Variants in ERBB4 observed in about 807,000 individuals in gnomAD.
The protein encoded by ERBB4 is erb-b2 receptor tyrosine kinase 4.
ERBB4 carries 42 observed loss-of-function variants against 158.0 expected under a neutral mutation model. The ratio of observed to expected loss-of-function variants is 0.27; its 90% confidence interval spans 0.21 to 0.34. The LOEUF (loss-of-function observed/expected upper bound fraction) is 0.34. ERBB4 is among the 10% of genes least tolerant of loss of function. The pLI, the probability that ERBB4 is intolerant of heterozygous loss-of-function variation, is 1.00. For missense variants in ERBB4, 1,333 were observed against 1,624.1 expected (o/e 0.82, Z 3.08); for synonymous variants, 583 against 558.7 (o/e 1.04, Z -0.61).
rs557806211 is a variant in ERBB4 at position 211,988,911 on chromosome 2, GC to G, written c.235-41296del. On this transcript the variant is annotated intron_variant, in intron 2 of 27. Transcript: ENST00000342788. ...TACGATCATGCATAAAATTGTTCTG[GC>G]TTATTTGCAATCTATTTTTTTCTAA... Among the ~76,000 whole-genome samples the G allele has an allele frequency of 7.9e-4, 120 of 151,944 alleles. 1 individual carries two copies. The highest frequency in any genetic ancestry group is 2.6e-3 in the African/African-American group (109 of 41,482).
In ERBB4 at chr2:211,630,607, A is replaced by T; in HGVS notation, c.1947-13T>A. The T allele has an allele frequency of 6.2e-7, 1 of 1,601,506 alleles. No individual in the cohort carries two copies. Among genetic ancestry groups the T allele is most frequent in the South Asian group, 1.1e-5 (1 of 90,774 alleles). Reference sequence around the variant, plus strand: ...AATCAGGGGAGTTCTGACAACCAGAATGAGAAAAAAAAAAATAAAAAGTAT... The same window carrying T: ...AATCAGGGGAGTTCTGACAACCAGATTGAGAAAAAAAAAAATAAAAAGTAT... On this transcript the variant is annotated splice_polypyrimidine_tract_variant and intron_variant, in intron 16 of 27. Coordinates refer to ENST00000342788, the MANE Select transcript of ERBB4 (RefSeq NM_005235.3).
chr2:212,320,078 T>C lies in ERBB4; in HGVS notation c.83-195175A>G, dbSNP rs562148057. Among the ~76,000 whole-genome samples, 273 of 149,954 alleles carry C rather than the reference T, an allele frequency of 1.8e-3. 3 individuals are homozygous for C. Among genetic ancestry groups the C allele is most frequent in the African/African-American group, 6.1e-3 (252 of 41,274 alleles). On this transcript the variant is annotated intron_variant, in intron 1 of 27. Coordinates refer to ENST00000342788, the MANE Select transcript of ERBB4 (RefSeq NM_005235.3). The stretch of plus-strand genomic sequence containing the variant: ...CAACCAGTGGACAAATCTAAGCAAG[T>C]AAAAGTGATGGCATTGTACTGAGGT...
At chr2:212,510,263 A>T (rs906056440) in intron 1 of ERBB4, among the ~76,000 whole-genome samples, 7 of 148,064 alleles carry the variant, frequency 4.7e-5, no homozygotes, top group African/African-American at 1.8e-4. Context: ...TTCATACAAC[A>T]ACTTGAGTGA....
At chr2:212,141,951 A>G (rs948853652) in intron 1 of ERBB4, among the ~76,000 whole-genome samples, 1 of 152,142 alleles carries the variant, frequency 6.6e-6, no homozygotes. Context: ...TCAGAATAAA[A>G]TTAAAAGTCC....
At chr2:211,507,807 T>C (rs143531303) in intron 20 of ERBB4, among the ~76,000 whole-genome samples, 3,148 of 152,180 alleles carry the variant, frequency 0.021, 115 homozygotes, top group African/African-American at 0.07. Context: ...TGGAACAGAA[T>C]AGAGACCTCA....
At chr2:211,675,791 A>ATT (rs1553607851) in intron 13 of ERBB4, among the ~76,000 whole-genome samples, 52,060 of 100,218 alleles carry the variant, frequency 0.52, 11,656 homozygotes, top group Non-Finnish European at 0.6. Context: ...AAAATATAAT[A>ATT]TTATATATAT....
chr2:211,448,569 G>A (rs1388306643), intron 20 of ERBB4, among the ~76,000 whole-genome samples: 1 of 152,018 alleles, frequency 6.6e-6, no homozygotes, highest in Non-Finnish European at 1.5e-5. Flanking sequence ...CACATGGGGT[G>A]AAATATGAAT....
intron 1 of ERBB4, among the ~76,000 whole-genome samples, chr2:212,265,301 A>G (rs2085089798): frequency 6.6e-6 from 1 of 152,146 alleles, no homozygotes; most frequent in South Asian, 2.1e-4. Context: ...TGAAGCAATC[A>G]TTTTATGCTG....
rs367861825 is a variant in ERBB4, at chr2:212,090,568, A to C, written c.234+34184T>G. ...CCTGAAAACTGAGTCTCTGTCCTTG[A>C]AAGATTATAACTGATCACTCATTTA... On this transcript the variant is annotated intron_variant, in intron 2 of 27. Transcript: ENST00000342788. Among the ~76,000 whole-genome samples the C allele has an allele frequency of 9.0e-4, 137 of 152,258 alleles. 3 individuals are homozygous for C. The South Asian group carries it at 0.028, about 31-fold the overall frequency.
chr2:211,967,026 C>CATTT (rs2081327477), intron 2 of ERBB4, among the ~76,000 whole-genome samples: 2 of 152,116 alleles, frequency 1.3e-5, no homozygotes, highest in South Asian at 4.1e-4. Context: ...TATTAAATTG[C>CATTT]ATTAAATGGG....
At chr2:212,410,596 T>C (rs1255610714) in intron 1 of ERBB4, among the ~76,000 whole-genome samples, 1 of 152,088 alleles carries the variant, frequency 6.6e-6, no homozygotes, top group Non-Finnish European at 1.5e-5. Context: ...TATTCTCCTC[T>C]CATTTTCTCA....
chr2:211,415,273 C>T (rs1406326607), intron 25 of ERBB4, among the ~76,000 whole-genome samples: 4 of 151,928 alleles, frequency 2.6e-5, no homozygotes, highest in Admixed American at 6.5e-5. Flanking sequence ...CCCGCCACCA[C>T]GCCCGGCTAA....
intron 2 of ERBB4, among the ~76,000 whole-genome samples, chr2:211,983,165 G>T (rs1384187050): frequency 6.6e-6 from 1 of 152,188 alleles, no homozygotes; most frequent in Non-Finnish European, 1.5e-5. Flanking sequence ...AAGAATTTAT[G>T]TGAGAAGACA....
chr2:212,194,889 T>C (rs1157429519), intron 1 of ERBB4, among the ~76,000 whole-genome samples: 1 of 151,986 alleles, frequency 6.6e-6, no homozygotes, highest in East Asian at 1.9e-4. Flanking sequence ...TCAGAAAGGC[T>C]CTAAATTCTT....
Position 211,381,944 on chromosome 2 carries a change from C to A in ERBB4, c.*1671G>T. 1 of 229,626 alleles carries A rather than the reference C, an allele frequency of 4.4e-6. No individual in the cohort carries two copies. Among genetic ancestry groups the A allele is most frequent in the Admixed American group, 5.7e-5 (1 of 17,656 alleles). 14.2% of individuals were successfully genotyped at this position (229,626 alleles called of 1,614,324 possible). A position where few individuals can be genotyped will look rare whatever the true frequency, so the allele number is the denominator to read the frequency against. ...CCTTTACTTGGAGACTCATCTCTGT[C>A]ATTTGTTCTCATCCTTCATCTCATC... On this transcript the variant is annotated 3_prime_UTR_variant, in exon 28 of 28. Transcript: ENST00000342788.
intron 13 of ERBB4, among the ~76,000 whole-genome samples, chr2:211,676,345 C>T (rs1451963710): frequency 1.3e-5 from 2 of 152,116 alleles, no homozygotes; most frequent in East Asian, 1.9e-4. Context: ...GTTAATTTAA[C>T]AGATTTGATT....
At chr2:212,412,147 A>G (rs1278160999) in intron 1 of ERBB4, among the ~76,000 whole-genome samples, 1 of 152,198 alleles carries the variant, frequency 6.6e-6, no homozygotes, top group East Asian at 1.9e-4. Flanking sequence ...GAGAATAGAA[A>G]TCAAAGCTTA....
chr2:212,410,295 A>T (rs2091460104), intron 1 of ERBB4, among the ~76,000 whole-genome samples: 1 of 152,026 alleles, frequency 6.6e-6, no homozygotes, highest in Admixed American at 6.6e-5. Context: ...TAGTAAACAT[A>T]TTCTAGTGCA....
intron 1 of ERBB4, among the ~76,000 whole-genome samples, chr2:212,450,745 G>A (rs1325309306): frequency 6.7e-6 from 1 of 148,758 alleles, no homozygotes; most frequent in Non-Finnish European, 1.5e-5. Context: ...TCTATCTTCT[G>A]AATGACCTAC....
Sources: allele counts gnomAD v4.1 joint callset (sites outside exome capture counted in the v4.1 genomes callset), GRCh38; gene constraint gnomAD v4.1.1; transcripts MANE v1.5; gene names NCBI Gene and HGNC (gene_info 2026-07-23, HGNC 2026-07-21).